The following CFAP299 variants were observed in gnomAD, a reference collection of about 807,000 sequenced individuals.
CFAP299 encodes cilia- and flagella-associated protein 299.
CFAP299 carries 21 observed loss-of-function variants against 27.0 expected under a neutral mutation model. The observed-to-expected ratio is 0.78, with a 90% CI of 0.55 to 1.12. The LOEUF (loss-of-function observed/expected upper bound fraction) is 1.12, where lower values mean the gene tolerates loss of function less well. Among genes scored for constraint, CFAP299 ranks in the 50% most tolerant of loss-of-function variants. CFAP299 has a pLI of 0.00. For missense variants in CFAP299, 310 were observed against 276.6 expected, an observed-to-expected ratio of 1.12 and a Z score of -0.86; for synonymous variants, 104 against 98.1, an observed-to-expected ratio of 1.06 and a Z score of -0.36.
At chr4:80,653,696 G>A (rs1577978432) in intron 3 of CFAP299, among the ~76,000 whole-genome samples, 1 of 152,056 alleles carries the variant, frequency 6.6e-6, no homozygotes, top group African/African-American at 2.4e-5. Context: ...ATAGTATCAA[G>A]AAAAACTTCA....
intron 2 of CFAP299, among the ~76,000 whole-genome samples, chr4:80,411,781 C>G (rs1412080161): frequency 6.6e-6 from 1 of 152,012 alleles, no homozygotes; most frequent in Non-Finnish European, 1.5e-5. Context: ...GCCATATTCT[C>G]TTTTGCATTC....
At chr4:80,593,662 A>G (rs1736900536) in intron 3 of CFAP299, among the ~76,000 whole-genome samples, 1 of 152,040 alleles carries the variant, frequency 6.6e-6, no homozygotes, top group African/African-American at 2.4e-5. Flanking sequence ...TATTGGCTTC[A>G]TTGATTTTTG....
chr4:80,366,185 C>T (rs933117962), intron 2 of CFAP299, among the ~76,000 whole-genome samples: 11 of 152,204 alleles, frequency 7.2e-5, no homozygotes, highest in Non-Finnish European at 1.5e-4. Context: ...TATGCATGAA[C>T]ATCTGACTGC....
intron 2 of CFAP299, among the ~76,000 whole-genome samples, chr4:80,367,051 A>T (rs1452210800): frequency 6.6e-6 from 1 of 152,184 alleles, no homozygotes; most frequent in Non-Finnish European, 1.5e-5. Context: ...ACTGGATGGA[A>T]GGGAGATTGG....
chr4:80,745,753 G>A (rs1412534702), intron 3 of CFAP299, among the ~76,000 whole-genome samples: 3 of 151,798 alleles, frequency 2.0e-5, no homozygotes, highest in Non-Finnish European at 4.4e-5. Context: ...TCTCTTCCCG[G>A]ATCCCATCCA....
intron 2 of CFAP299, among the ~76,000 whole-genome samples, chr4:80,547,074 C>T (rs1395741622): frequency 6.6e-6 from 1 of 152,016 alleles, no homozygotes; most frequent in Non-Finnish European, 1.5e-5. Context: ...ATCACCAAAG[C>T]AATTCTAAGC....
chr4:80,426,903 C>T (rs770800786), intron 2 of CFAP299, among the ~76,000 whole-genome samples: 26 of 152,048 alleles, frequency 1.7e-4, no homozygotes, highest in Non-Finnish European at 2.8e-4. Context: ...GAGTATAAAA[C>T]GATTTTTTTC....
the CFAP299 span, among the ~76,000 whole-genome samples, chr4:80,327,391 A>G: frequency 6.6e-6 from 1 of 151,968 alleles, no homozygotes; most frequent in Non-Finnish European, 1.5e-5. Flanking sequence ...GGTGAGAAGA[A>G]ATGTAGGGCT....
At chr4:80,425,066 G>T (rs1203063933) in intron 2 of CFAP299, among the ~76,000 whole-genome samples, 1 of 152,054 alleles carries the variant, frequency 6.6e-6, no homozygotes, top group African/African-American at 2.4e-5. Context: ...AAGACATACG[G>T]TATGTCTGTT....
chr4:80,871,681 A>G (rs1322479011), intron 4 of CFAP299: 3 of 967,738 alleles, frequency 3.1e-6, no homozygotes, highest in Non-Finnish European at 3.7e-6. Context: ...CTATTATCTT[A>G]GCAGCTTTGT....
intron 4 of CFAP299, among the ~76,000 whole-genome samples, chr4:80,905,570 C>T (rs1735141798): frequency 6.6e-6 from 1 of 151,970 alleles, no homozygotes; most frequent in Admixed American, 6.6e-5. Flanking sequence ...AAAGAACTGC[C>T]CAAGACAGGG....
chr4:80,549,561 A>G (rs1362566400), intron 2 of CFAP299, among the ~76,000 whole-genome samples: 4 of 152,164 alleles, frequency 2.6e-5, no homozygotes, highest in Non-Finnish European at 5.9e-5. Context: ...CGTCTTCACT[A>G]TAAAACATTT....
chr4:80,678,404 G>T (rs533493921), intron 3 of CFAP299, among the ~76,000 whole-genome samples: 1 of 151,952 alleles, frequency 6.6e-6, no homozygotes. Context: ...ACCTAATAAA[G>T]TAAGAATTTA....
At chr4:80,563,985 G>A (rs1250900738) in intron 2 of CFAP299, among the ~76,000 whole-genome samples, 1 of 152,014 alleles carries the variant, frequency 6.6e-6, no homozygotes, top group Non-Finnish European at 1.5e-5. Context: ...TTTGAATAAT[G>A]AAGAAGTCCA....
intron 4 of CFAP299, among the ~76,000 whole-genome samples, chr4:80,881,785 G>T (rs1357974469): frequency 2.6e-5 from 4 of 152,258 alleles, no homozygotes; most frequent in South Asian, 2.1e-4. Context: ...AATTGCAAAA[G>T]AATTCAAAAT....
chr4:80,758,590 C>T (rs918173389), intron 3 of CFAP299, among the ~76,000 whole-genome samples: 9 of 152,132 alleles, frequency 5.9e-5, no homozygotes, highest in Admixed American at 2.0e-4. Flanking sequence ...CCCAGAATTT[C>T]TCTGTCTCCT....
chr4:80,539,665 C>T (rs28572530), intron 2 of CFAP299, among the ~76,000 whole-genome samples: 1 of 152,162 alleles, frequency 6.6e-6, no homozygotes, highest in Non-Finnish European at 1.5e-5. Flanking sequence ...TTTCATACTA[C>T]TGCTAAAGCT....
At chr4:80,419,973 G>A (rs1042386055) in intron 2 of CFAP299, among the ~76,000 whole-genome samples, 1 of 152,002 alleles carries the variant, frequency 6.6e-6, no homozygotes, top group African/African-American at 2.4e-5. Context: ...TGCACATAGG[G>A]GAGAAGCACA....
intron 4 of CFAP299, among the ~76,000 whole-genome samples, chr4:80,890,881 G>A (rs1281962052): frequency 1.4e-5 from 2 of 140,708 alleles, no homozygotes; most frequent in African/African-American, 5.3e-5. Context: ...GTCTGTTCAT[G>A]TCCTTCGCCC....
Sources: gnomAD v4.1 joint callset for allele counts (sites outside exome capture counted in the v4.1 genomes callset) on GRCh38, gnomAD v4.1.1 for gene constraint, MANE v1.5 for transcripts, NCBI Gene and HGNC (gene_info 2026-07-23, HGNC 2026-07-21) for gene names.